PICALM: variants seen among roughly 807,000 people sequenced by gnomAD.
PICALM encodes the protein phosphatidylinositol binding clathrin assembly protein.
A neutral mutation model predicts 80.5 loss-of-function variants in PICALM; 40 were observed. The ratio of observed to expected loss-of-function variants is 0.50; its 90% CI spans 0.39 to 0.65. The LOEUF is 0.65. PICALM is among the 30% of genes least tolerant of loss of function. The pLI, the probability that PICALM is intolerant of heterozygous loss-of-function variation, is 0.00. For synonymous variants in PICALM, 288 were observed against 260.3 expected (o/e 1.11, Z -1.02); for missense variants, 676 against 778.9 (o/e 0.87, Z 1.57).
chr11:85,961,649 G>C (rs1262769035), intron 19 of PICALM, among the ~76,000 whole-genome samples: 1 of 152,046 alleles, frequency 6.6e-6, no homozygotes, highest in Admixed American at 6.6e-5. Context: ...TTTTACTTTG[G>C]AACAAGCTTT....
rs972002419 is a variant in PICALM, at chr11:85,996,867, T to G, written c.1217A>C (p.His406Pro). 6.2e-6 allele frequency: 10 copies of G among 1,612,720 alleles called. No individual in the cohort carries two copies. The highest frequency in any genetic ancestry group is 1.7e-5 in the Admixed American group (1 of 59,910). ...LQQPTFHPSV[H>P]PMSTASQVAS... The stretch of plus-strand genomic sequence containing the variant: ...TACCTGAGAAGCAGTTGACATAGGA[T>G]GTACAGATGGGTGAAAAGTTGGCTG... The change falls in exon 12 of 20, where the codon CAT becomes CCT. Residue 406 changes from histidine to proline, a missense_variant. Transcript: ENST00000393346.
intron 1 of PICALM, among the ~76,000 whole-genome samples, chr11:86,037,259 ATTT>A (rs763255182): frequency 3.8e-5 from 4 of 106,028 alleles, no homozygotes; most frequent in African/African-American, 8.0e-5. Context: ...AAAAAAGAAA[ATTT>A]TTTTTTTTTT....
chr11:86,006,541 G>A (rs528402322), intron 8 of PICALM, among the ~76,000 whole-genome samples: 3 of 152,274 alleles, frequency 2.0e-5, no homozygotes, highest in African/African-American at 7.2e-5. Context: ...CAGCTACTTG[G>A]GAGGCTGAGG....
chr11:86,018,066 A>G (rs1025036004), intron 4 of PICALM, among the ~76,000 whole-genome samples: 2 of 152,180 alleles, frequency 1.3e-5, no homozygotes, highest in African/African-American at 4.8e-5. Flanking sequence ...AAGTCAGTAA[A>G]CCAGCTAAAG....
intron 4 of PICALM, among the ~76,000 whole-genome samples, chr11:86,018,320 T>C (rs1219507710): frequency 6.6e-6 from 1 of 152,174 alleles, no homozygotes; most frequent in Non-Finnish European, 1.5e-5. Flanking sequence ...AATGAACACA[T>C]ATGAACGCAT....
chr11:86,056,240 G>A (rs1368937004), intron 1 of PICALM, among the ~76,000 whole-genome samples: 2 of 142,710 alleles, frequency 1.4e-5, no homozygotes, highest in African/African-American at 5.2e-5. Flanking sequence ...CCAAGCCACA[G>A]AATGGGGAAA....
At chr11:86,005,075 G>T (rs192539754) in intron 8 of PICALM, among the ~76,000 whole-genome samples, 32 of 152,214 alleles carry the variant, frequency 2.1e-4, no homozygotes, top group Non-Finnish European at 3.8e-4. Context: ...CTATGAAGTA[G>T]ACACTACTGG....
At chr11:86,056,796 A>C (rs1054235861) in intron 1 of PICALM, among the ~76,000 whole-genome samples, 4 of 152,244 alleles carry the variant, frequency 2.6e-5, no homozygotes, top group African/African-American at 9.6e-5. Context: ...ATGAAGGTAT[A>C]AATGAAATGT....
chr11:85,974,971 C>T (rs1232458291), intron 18 of PICALM, among the ~76,000 whole-genome samples, 159 bp from the exon 19 acceptor site: 3 of 152,208 alleles, frequency 2.0e-5, no homozygotes, highest in South Asian at 2.1e-4. Context: ...TACAAACTTT[C>T]GAGAGTATTT....
intron 18 of PICALM, 93 bp downstream of exon 18, chr11:85,976,530 G>T: frequency 1.3e-6 from 1 of 764,026 alleles, no homozygotes; most frequent in Admixed American, 1.8e-5. Context: ...AGTATGAGGA[G>T]CACTAAATTC....
At position 85,957,466 on chromosome 11, in the gene PICALM, TTAA is replaced by T. The variant is rs930102307; in HGVS notation, c.*1577_*1579del. 6.6e-6 allele frequency among the ~76,000 whole-genome samples: 1 copy of T among 152,196 alleles called. No individual in the cohort carries two copies. Among genetic ancestry groups the T allele is most frequent in the African/African-American group, 2.4e-5 (1 of 41,448 alleles). On this transcript the variant is annotated 3_prime_UTR_variant, in exon 20 of 20. Transcript: ENST00000393346. ...ATCAAAAGACAAAAAGTGAACAATT[TTAA>T]TAAGTAGTTGCATTTATCAATAAGA... is the stretch of plus-strand genomic sequence containing the variant.
chr11:86,034,525 TCCCTTGC>T (rs2136868346), intron 1 of PICALM, among the ~76,000 whole-genome samples: 1 of 152,322 alleles, frequency 6.6e-6, no homozygotes, highest in East Asian at 1.9e-4. Context: ...TGTAACGATT[TCCCTTGC>T]CAACCAATAA....
chr11:86,003,306 G>A, intron 9 of PICALM, 60 bp downstream of exon 9: 1 of 938,946 alleles, frequency 1.1e-6, no homozygotes, highest in Non-Finnish European at 1.7e-6. Flanking sequence ...ACTTGAGCTG[G>A]TTTCATCTAC....
chr11:85,959,060 T>C lies in PICALM; in HGVS notation c.1945A>G (p.Ile649Val). The change falls in exon 20 of 20, where the codon ATA (isoleucine) becomes GTA (valine). Residue 649 changes from isoleucine to valine, a missense_variant and splice_region_variant. Ile to Val is a conservative substitution (Grantham distance 29). Around this residue, in one of 2 missense-constraint regions of PICALM, gnomAD observed 391 missense variants for 383.6 expected, o/e 1.02. Coordinates refer to ENST00000393346, the MANE Select transcript of PICALM (RefSeq NM_007166.4). Reference sequence around the variant, plus strand: ...CTTCCATCAAGTTACATAAACTGTATCTGGAAAAAAAAAGTGGGTATGTTA... The same window carrying C: ...CTTCCATCAAGTTACATAAACTGTACCTGGAAAAAAAAAGTGGGTATGTTA... ...NPFGPVSGAQ[I>V]QFM is the part of the protein sequence containing the mutation. 3 of 1,583,084 alleles carry C rather than the reference T, an allele frequency of 1.9e-6. No individual in the cohort carries two copies. In the South Asian group the frequency reaches 3.4e-5, roughly 18 times the overall value.
chr11:86,033,744 T>A (rs533176966), intron 1 of PICALM, among the ~76,000 whole-genome samples: 1 of 152,312 alleles, frequency 6.6e-6, no homozygotes, highest in South Asian at 2.1e-4. Flanking sequence ...TTTTTTGTTC[T>A]CAACTCTATC....
upstream of PICALM, chr11:86,069,469 C>T (rs947771793): frequency 9.2e-5 from 14 of 152,552 alleles, 1 homozygote; most frequent in Admixed American, 7.2e-4. Flanking sequence ...TCAAGTGTGT[C>T]CTCGTGTCTG....
chr11:85,977,633 G>T (rs995604455), intron 17 of PICALM, among the ~76,000 whole-genome samples: 23 of 152,118 alleles, frequency 1.5e-4, no homozygotes, highest in African/African-American at 5.6e-4. Flanking sequence ...TTAGTATTCG[G>T]GTGAGCGTGT....
intron 17 of PICALM, 41 bp from the exon 18 acceptor site, chr11:85,976,723 C>T: frequency 8.4e-7 from 1 of 1,196,448 alleles, no homozygotes; most frequent in Non-Finnish European, 1.2e-6. Flanking sequence ...AAGTATAACT[C>T]ATGTGTGTCA....
At chr11:85,972,989 C>A (rs1198307884) in intron 19 of PICALM, among the ~76,000 whole-genome samples, 2 of 152,096 alleles carry the variant, frequency 1.3e-5, no homozygotes, top group Non-Finnish European at 2.9e-5. Flanking sequence ...CACTCATAGT[C>A]TATTTTATAA....
Sources: gnomAD v4.1 joint callset for allele counts (sites outside exome capture counted in the v4.1 genomes callset) on GRCh38, gnomAD v4.1.1 for gene constraint, gnomAD v4.1.1 regional missense constraint, MANE v1.5 for transcripts, NCBI Gene and HGNC (gene_info 2026-07-23, HGNC 2026-07-21) for gene names.